The following ABAT variants were observed in gnomAD, a reference collection of about 807,000 sequenced individuals.
ABAT encodes the protein 4-aminobutyrate aminotransferase, also known as 4-aminobutyrate aminotransferase, mitochondrial.
In ABAT, 45 loss-of-function variants were observed where a neutral mutation model predicts 64.6. The observed-to-expected ratio is 0.70, with a 90% CI of 0.55 to 0.89. The LOEUF (loss-of-function observed/expected upper bound fraction) is 0.89, where lower values mean the gene tolerates loss of function less well. Ranked by LOEUF, ABAT falls within the 40% of genes least tolerant of loss-of-function variation. The pLI, the probability that ABAT is intolerant of heterozygous loss-of-function variation, is 0.00. For synonymous variants in ABAT, 297 were observed against 250.5 expected, an observed-to-expected ratio of 1.19 and a Z score of -1.75; for missense variants, 633 against 658.4, an observed-to-expected ratio of 0.96 and a Z score of 0.42.
At chr16:8,681,958 C>G (rs550829689) in intron 1 of ABAT, among the ~76,000 whole-genome samples, 1 of 152,100 alleles carries the variant, frequency 6.6e-6, no homozygotes, top group Non-Finnish European at 1.5e-5. Context: ...ATACTACTGA[C>G]GTGGAAGCGA....
chr16:8,769,285 G>A (rs1269786717), intron 11 of ABAT, among the ~76,000 whole-genome samples: 1 of 152,078 alleles, frequency 6.6e-6, no homozygotes, highest in South Asian at 2.1e-4. Context: ...AAAGAATATG[G>A]GGCTGGGCAC....
chr16:8,691,444 T>A (rs981191774), intron 1 of ABAT, among the ~76,000 whole-genome samples: 16 of 146,100 alleles, frequency 1.1e-4, no homozygotes, highest in African/African-American at 4.0e-4. Flanking sequence ...CCCAGGGAAC[T>A]TTTTTTTTTT....
In ABAT at chr16:8,776,400, T is replaced by C. The variant is rs776141865; in HGVS notation, c.1179T>C (p.Ala393=). The C allele has an allele frequency of 6.2e-7, 1 of 1,614,236 alleles. No individual in the cohort carries two copies. The highest frequency in any genetic ancestry group is 2.2e-5 in the East Asian group (1 of 44,888). The change falls in exon 14 of 16, where the codon GCT becomes GCC. Residue 393 remains alanine (A), a synonymous_variant. Transcript: ENST00000268251. This position sits in a 1 kb window ranked among gnomAD's most constrained non-coding sequence, Gnocchi z 4.4. The part of the protein sequence containing the change: ...LGDPSKNLLL[A]EVINIIKRED... The stretch of plus-strand genomic sequence containing the variant: ...ACCCGTCCAAGAACCTGTTGCTGGC[T>C]GAGGTCATCAACATCATCAAGCGGG...
intron 2 of ABAT, among the ~76,000 whole-genome samples, chr16:8,743,571 TTAATATATAATATATTTTAGTTG>T (rs2059238189): frequency 6.9e-6 from 1 of 143,960 alleles, no homozygotes; most frequent in Non-Finnish European, 1.5e-5. Flanking sequence ...TACTTTAGTT[TTAATATATAATATATTTTAGTTG>T]TAATATATAA....
At position 8,757,796 on chromosome 16, in the gene ABAT, C is replaced by G. The variant is rs541365944; in HGVS notation, c.356C>G (p.Pro119Arg). 3 of 1,614,038 alleles carry G rather than the reference C, an allele frequency of 1.9e-6. No individual in the cohort carries two copies. The highest frequency in any genetic ancestry group is 2.2e-5 in the East Asian group (1 of 44,878). ...HPALLKLIQQ[P>R]QNASMFVNRP... ...GCCCTGCTGAAACTCATCCAACAGC[C>G]TCAAAATGCGGTAGGTCTTGGGGTT... Residue 119 changes from proline (P) to arginine (R), a missense_variant, in exon 6 of 16, where the codon CCT becomes CGT. By Grantham distance (103) the Pro-to-Arg change is moderately radical. Transcript: ENST00000268251.
At chr16:8,699,833 T>C (rs1446763911) in intron 1 of ABAT, among the ~76,000 whole-genome samples, 1 of 150,770 alleles carries the variant, frequency 6.6e-6, no homozygotes, top group East Asian at 2.0e-4. Flanking sequence ...TCTTTCCCTC[T>C]TTCTTTCTTT....
chr16:8,773,382 C>CCT (rs1321507974), intron 12 of ABAT, among the ~76,000 whole-genome samples: 1 of 152,092 alleles, frequency 6.6e-6, no homozygotes, highest in Non-Finnish European at 1.5e-5. Context: ...GAACTCCTGA[C>CCT]CTCAGGTGAT....
chr16:8,769,720 G>A (rs185472385), intron 11 of ABAT, among the ~76,000 whole-genome samples: 4 of 152,310 alleles, frequency 2.6e-5, no homozygotes, highest in Admixed American at 6.5e-5. Flanking sequence ...GGGAGAGGCT[G>A]AGGACAGGCA....
At chr16:8,726,097 C>T (rs938321155) in intron 1 of ABAT, among the ~76,000 whole-genome samples, 2 of 152,036 alleles carry the variant, frequency 1.3e-5, no homozygotes, top group Admixed American at 1.3e-4. Flanking sequence ...CCTTCCCAGC[C>T]TCTGGTAACC....
At chr16:8,748,624 T>C (rs1240266269) in intron 4 of ABAT, among the ~76,000 whole-genome samples, 1 of 152,128 alleles carries the variant, frequency 6.6e-6, no homozygotes, top group Admixed American at 6.6e-5. Context: ...CATTATGGAG[T>C]GCCAGATGTT....
At chr16:8,740,492 T>C (rs1480743456) in intron 2 of ABAT, among the ~76,000 whole-genome samples, 86 of 152,192 alleles carry the variant, frequency 5.7e-4, no homozygotes, top group Non-Finnish European at 7.4e-5. Flanking sequence ...TCTCAGTTCC[T>C]TGATACGTGG....
chr16:8,768,312 C>A, intron 10 of ABAT, 56 bp downstream of exon 10: 2 of 1,559,990 alleles, frequency 1.3e-6, no homozygotes, highest in East Asian at 4.5e-5. Context: ...ATAATAACGG[C>A]AACAATAGCG....
chr16:8,764,636 T>G lies in ABAT; in HGVS notation c.448-102T>G. On this transcript the variant is annotated intron_variant, in intron 7 of 15. Transcript: ENST00000268251. This position sits in a 1 kb window ranked among gnomAD's most constrained non-coding sequence, Gnocchi z 4.2. ...CTTCCAGGACAGCCCTGGTTCTGTC[T>G]GTCCCCGGTACGGCCCCTGCGAAGA... is the stretch of plus-strand genomic sequence containing the variant. The G allele has an allele frequency of 8.8e-7, 1 of 1,131,070 alleles. No individual in the cohort carries two copies. The allele number at this position is 1,131,070 out of a possible 1,614,324, so 70.1% of individuals were successfully genotyped here.
At position 8,743,441 on chromosome 16, in the gene ABAT, A is replaced by ATATATATATATATATATATATATG. The variant is rs1158084095; in HGVS notation, c.71-2556_71-2555insTATATATATATATATATATGTATA. The stretch of plus-strand genomic sequence containing the variant: ...GAAACAGTTATATATATATATATAT[A>ATATATATATATATATATATATATG]TATACACACATTTTATAATATATTA... On this transcript the variant is annotated intron_variant, in intron 2 of 15. Coordinates refer to ENST00000268251, the MANE Select transcript of ABAT (RefSeq NM_020686.6). 8.0e-4 allele frequency among the ~76,000 whole-genome samples: 71 copies of ATATATATATATATATATATATATG among 88,998 alleles called. 3 individuals are homozygous for ATATATATATATATATATATATATG. Among genetic ancestry groups the ATATATATATATATATATATATATG allele is most frequent in the African/African-American group, 2.6e-3 (69 of 26,522 alleles). 58.4% of individuals were successfully genotyped at this position (88,998 alleles called of 152,430 possible).
At chr16:8,732,547 C>T (rs1320106643) in intron 1 of ABAT, among the ~76,000 whole-genome samples, 1 of 151,642 alleles carries the variant, frequency 6.6e-6, no homozygotes. Context: ...GGTAAGGTCA[C>T]AGATCAACAG....
intron 1 of ABAT, among the ~76,000 whole-genome samples, chr16:8,717,177 C>G (rs185461074): frequency 2.6e-5 from 4 of 152,198 alleles, no homozygotes; most frequent in Admixed American, 2.6e-4. Context: ...GTCATCCCAG[C>G]TACTCGGGAG....
chr16:8,681,639 ATCT>A (rs1400067707), intron 1 of ABAT, among the ~76,000 whole-genome samples: 2 of 98,154 alleles, frequency 2.0e-5, no homozygotes, highest in East Asian at 3.9e-4. Flanking sequence ...AATGACTGCT[ATCT>A]TTTTTTTTTT....
intron 8 of ABAT, among the ~76,000 whole-genome samples, chr16:8,765,317 C>G (rs2059912300): frequency 1.4e-5 from 2 of 147,552 alleles, no homozygotes; most frequent in Non-Finnish European, 3.0e-5. Context: ...GCCTGGGTGA[C>G]AGAGTAAGAC....
At chr16:8,678,157 G>A (rs1193144879) in intron 1 of ABAT, among the ~76,000 whole-genome samples, 1 of 152,230 alleles carries the variant, frequency 6.6e-6, no homozygotes, top group Non-Finnish European at 1.5e-5. Context: ...GTGTCTAGCT[G>A]TGGAGCCTTC....
Sources: allele counts gnomAD v4.1 joint callset (sites outside exome capture counted in the v4.1 genomes callset), GRCh38; gene constraint gnomAD v4.1.1; non-coding constraint Gnocchi (gnomAD v3.1); transcripts MANE v1.5; gene names NCBI Gene and HGNC (gene_info 2026-07-23, HGNC 2026-07-21).